HERC3: variants seen among roughly 807,000 people sequenced by gnomAD.
HERC3 encodes HECT and RLD domain containing E3 ubiquitin protein ligase 3, also known as probable E3 ubiquitin-protein ligase HERC3.
A neutral mutation model predicts 129.9 loss-of-function variants in HERC3; 58 were observed. The observed-to-expected ratio is 0.45, with a 90% confidence interval of 0.36 to 0.56. The LOEUF is 0.56. Among genes scored for constraint, HERC3 ranks in the 20% least tolerant of loss-of-function variants. HERC3 has a pLI of 0.00. For missense variants in HERC3, 835 were observed against 1,244.2 expected (o/e 0.67, Z 4.95); for synonymous variants, 430 against 451.0 (o/e 0.95, Z 0.59).
At position 88,697,303 on chromosome 4, in the gene HERC3, C is replaced by G; in HGVS notation, c.2658-6795C>G. On this transcript the variant is annotated intron_variant, in intron 23 of 25. Transcript: ENST00000402738. ...AGCCTCCTCCTCCTCCTCGTCTTCCCCCTCCTCCTCGTCATCCTCGTACTC... is the reference window on the plus strand; with the variant it reads ...AGCCTCCTCCTCCTCCTCGTCTTCCGCCTCCTCCTCGTCATCCTCGTACTC... 3 of 1,609,746 alleles carry G rather than the reference C, an allele frequency of 1.9e-6. No individual in the cohort carries two copies. The South Asian group carries it at 3.3e-5, about 18-fold the overall frequency.
chr4:88,564,529 T>C, the HERC3 span, among the ~76,000 whole-genome samples: 2 of 152,190 alleles, frequency 1.3e-5, no homozygotes, highest in Non-Finnish European at 2.9e-5. Context: ...TCCAGGAATA[T>C]AGTTGCTCAA....
chr4:88,579,232 A>AAAAAATATATATATATATATATAT, the HERC3 span, among the ~76,000 whole-genome samples: 16 of 104,066 alleles, frequency 1.5e-4, no homozygotes, highest in African/African-American at 9.8e-4. Flanking sequence ...AAAAAAAAAA[A>AAAAAATATATATATATATATATAT]ATATATATAT....
intron 3 of HERC3, among the ~76,000 whole-genome samples, chr4:88,608,143 G>A (rs566471149): frequency 2.6e-5 from 4 of 152,160 alleles, no homozygotes; most frequent in Admixed American, 6.5e-5. Context: ...ACCATGTTCC[G>A]TAGTTTCCCT....
At chr4:88,697,769 C>T (rs1734801601) in intron 23 of HERC3, 3 of 1,596,360 alleles carry the variant, frequency 1.9e-6, no homozygotes, top group South Asian at 1.1e-5. Flanking sequence ...GAGGAGAAGC[C>T]GCAGAGGTCT....
rs116380809 is a variant in HERC3, at chr4:88,691,377, C to T, written c.2657+4078C>T. Among the ~76,000 whole-genome samples, 724 of 152,300 alleles carry T rather than the reference C, an allele frequency of 4.8e-3. 10 individuals carry two copies. The highest frequency in any genetic ancestry group is 0.017 in the African/African-American group (688 of 41,570). On this transcript the variant is annotated intron_variant, in intron 23 of 25. Coordinates refer to ENST00000402738, the MANE Select transcript of HERC3 (RefSeq NM_014606.3). ...GTCTTTGGGCTGCTGTAAAAAAGTA[C>T]GATAAACTGGATGGCTTATAAACAA...
intron 2 of HERC3, among the ~76,000 whole-genome samples, chr4:88,595,932 T>A (rs1414444422): frequency 4.3e-5 from 6 of 138,732 alleles, no homozygotes; most frequent in Non-Finnish European, 7.6e-5. Flanking sequence ...CACTGCAGGC[T>A]CCGCCCCCCG....
chr4:88,588,243 G>T (rs1014504506), upstream of HERC3, among the ~76,000 whole-genome samples: 8 of 152,192 alleles, frequency 5.3e-5, no homozygotes, highest in Admixed American at 5.2e-4. Flanking sequence ...GATGCTTCTT[G>T]TCTAGCAGTA....
intron 3 of HERC3, among the ~76,000 whole-genome samples, chr4:88,614,690 C>T (rs1246623436): frequency 2.6e-5 from 4 of 152,026 alleles, no homozygotes; most frequent in Non-Finnish European, 5.9e-5. Flanking sequence ...TGCTATTTGC[C>T]TCTTGTTCTT....
chr4:88,600,330 A>T (rs1722842836), intron 2 of HERC3, among the ~76,000 whole-genome samples: 1 of 152,244 alleles, frequency 6.6e-6, no homozygotes, highest in African/African-American at 2.4e-5. Flanking sequence ...ATACAGAGCC[A>T]TTGTTTCTGA....
chr4:88,664,758 A>T (rs1459629493), intron 12 of HERC3, among the ~76,000 whole-genome samples: 1 of 151,896 alleles, frequency 6.6e-6, no homozygotes, highest in Non-Finnish European at 1.5e-5. Context: ...ATTATTTTTT[A>T]TTTTTTTCTC....
rs1322304575 is a variant in HERC3, at chr4:88,666,954, C to T, written c.1332-423C>T. Among the ~76,000 whole-genome samples the T allele has an allele frequency of 6.6e-5, 10 of 152,082 alleles. 1 individual carries two copies. The highest frequency in any genetic ancestry group is 5.9e-4 in the Admixed American group (9 of 15,260). On this transcript the variant is annotated intron_variant, in intron 12 of 25. Transcript: ENST00000402738. ...TTGTTGATGAGTGGACCAGTTTGCACAGGGGACGTTATTTGTACCAAGCCA... is the reference window on the plus strand; with the variant it reads ...TTGTTGATGAGTGGACCAGTTTGCATAGGGGACGTTATTTGTACCAAGCCA...
intron 3 of HERC3, among the ~76,000 whole-genome samples, chr4:88,618,692 G>T (rs951525676): frequency 1.3e-5 from 2 of 152,128 alleles, no homozygotes; most frequent in South Asian, 4.1e-4. Context: ...TCCACCTAAG[G>T]TTGGGCAGGA....
At chr4:88,686,954 G>A in intron 22 of HERC3, 152 bp downstream of exon 22, 1 of 657,532 alleles carries the variant, frequency 1.5e-6, no homozygotes, top group Non-Finnish European at 2.7e-6. Flanking sequence ...GAGTGTTATA[G>A]GGGTTCAGTG....
intron 6 of HERC3, 75 bp downstream of exon 6, chr4:88,653,165 T>G: frequency 5.0e-6 from 7 of 1,408,888 alleles, no homozygotes; most frequent in Non-Finnish European, 6.9e-6. Flanking sequence ...GAGGATCTAC[T>G]ATGTGCTAGC....
At chr4:88,666,029 A>G (rs1287926322) in intron 12 of HERC3, among the ~76,000 whole-genome samples, 3 of 152,166 alleles carry the variant, frequency 2.0e-5, no homozygotes, top group Non-Finnish European at 4.4e-5. Flanking sequence ...GCTGCTAAAC[A>G]TCCTTCATTC....
intron 21 of HERC3, among the ~76,000 whole-genome samples, chr4:88,682,639 A>G (rs887887117): frequency 6.6e-6 from 1 of 152,138 alleles, no homozygotes; most frequent in Non-Finnish European, 1.5e-5. Flanking sequence ...ATGTCCCTAC[A>G]AAGGACATGA....
At chr4:88,616,556 A>T (rs922478449) in intron 3 of HERC3, among the ~76,000 whole-genome samples, 1 of 152,220 alleles carries the variant, frequency 6.6e-6, no homozygotes, top group Non-Finnish European at 1.5e-5. Context: ...GATGGGGGTG[A>T]ATCTTTGGAT....
At chr4:88,677,060 G>A (rs1021830496) in intron 18 of HERC3, among the ~76,000 whole-genome samples, 4 of 152,184 alleles carry the variant, frequency 2.6e-5, no homozygotes, top group East Asian at 1.9e-4. Flanking sequence ...ACTTGAACCC[G>A]GGATGTGGAG....
chr4:88,669,964 C>T lies in HERC3; in HGVS notation c.1738C>T (p.Pro580Ser). The change falls in exon 15 of 26, where the codon CCC becomes TCC. Residue 580 changes from proline (P) to serine (S), a missense_variant. Pro to Ser is a moderately conservative substitution (Grantham distance 74). Transcript: ENST00000402738. ...LLRGRKTFLI[P>S]VLFNNYITAA... is the part of the protein sequence containing the mutation. ...GAGGGGAAGAAAGACATTCTTAATT[C>T]CCGTACTGTTTAACAATTATATCAC... 6.2e-7 allele frequency: 1 copy of T among 1,613,784 alleles called. No individual in the cohort carries two copies. Among genetic ancestry groups the T allele is most frequent in the South Asian group, 1.1e-5 (1 of 91,070 alleles).
Sources: allele counts gnomAD v4.1 joint callset (sites outside exome capture counted in the v4.1 genomes callset), GRCh38; gene constraint gnomAD v4.1.1; transcripts MANE v1.5; gene names NCBI Gene and HGNC (gene_info 2026-07-23, HGNC 2026-07-21).